Variants in MASP2 observed in about 807,000 individuals in gnomAD.
MASP2 encodes MBL associated serine protease 2, also known as mannan-binding lectin serine protease 2.
MASP2 carries 49 observed loss-of-function variants against 57.1 expected under a neutral mutation model. The ratio of observed to expected loss-of-function variants is 0.86; its 90% CI spans 0.68 to 1.09. The LOEUF (loss-of-function observed/expected upper bound fraction) is 1.09. MASP2 is among the 50% of genes least tolerant of loss of function. MASP2 has a pLI of 0.00. For synonymous variants in MASP2, 379 were observed against 340.8 expected (o/e 1.11, Z -1.24); for missense variants, 900 against 874.8 (o/e 1.03, Z -0.36).
At chr1:11,028,380 A>G (rs1044696340) in intron 10 of MASP2, among the ~76,000 whole-genome samples, 3 of 152,240 alleles carry the variant, frequency 2.0e-5, no homozygotes, top group African/African-American at 7.2e-5. Flanking sequence ...AGCAGGAACT[A>G]AAGTCAGTAT....
chr1:11,046,598 C>T lies in MASP2; in HGVS notation c.370G>A (p.Glu124Lys), dbSNP rs192007831. ...GCCTCGAACCCCGTGAACGGCTTCT[C>T]GTTGGAGTAGTCGGAGCGGAAGGTA... ...DITFRSDYSN[E>K]KPFTGFEAFY... The change falls in exon 3 of 11, where the codon GAG becomes AAG. Residue 124 changes from glutamate (E) to lysine (K), a missense_variant. By Grantham distance (56) the Glu-to-Lys change is moderately conservative. Coordinates refer to ENST00000400897, the MANE Select transcript of MASP2 (RefSeq NM_006610.4). 507 of 1,613,824 alleles carry T rather than the reference C, an allele frequency of 3.1e-4. 5 individuals carry two copies. In the Admixed American group the frequency reaches 8.1e-3, roughly 26 times the overall value.
At position 11,046,909 on chromosome 1, in the gene MASP2, G is replaced by T; in HGVS notation, c.216C>A (p.Cys72Ter). 2.5e-6 allele frequency: 4 copies of T among 1,569,756 alleles called. No individual in the cohort carries two copies. The highest frequency in any genetic ancestry group is 8.6e-7 in the Non-Finnish European group (1 of 1,157,134). Residue 72 changes from cysteine to a stop codon, truncating the protein, a stop_gained, in exon 2 of 11, where the codon TGC (cysteine) becomes TGA (stop). Transcript: ENST00000400897. LOFTEE classifies it high-confidence loss of function. ...THFDLELSHLCEYDFVKLSSG... is the reference protein window; with the variant it reads ...THFDLELSHL Reference sequence around the variant, plus strand: ...ACGGCACCTTGACGAAGTCGTACTCGCAGAGGTGGGAGAGCTCCAGGTCGA... The same window carrying T: ...ACGGCACCTTGACGAAGTCGTACTCTCAGAGGTGGGAGAGCTCCAGGTCGA...
intron 2 of MASP2, 70 bp from the exon 3 acceptor site, chr1:11,046,803 C>T (rs2100909137): frequency 1.3e-6 from 2 of 1,557,668 alleles, no homozygotes; most frequent in Non-Finnish European, 1.7e-6. Flanking sequence ...CCAAGCCTGG[C>T]CCCTGCTCCC....
rs376909147 is a variant in MASP2, at chr1:11,027,616, G to A, written c.1330C>T (p.Arg444Cys). The A allele has an allele frequency of 2.2e-5, 35 of 1,613,532 alleles. No individual in the cohort carries two copies. The East Asian group carries it at 2.2e-4, about 10-fold the overall frequency. Residue 444 changes from arginine to cysteine, a missense_variant, in exon 11 of 11, where the codon CGT becomes TGT. Transcript: ENST00000400897. Reference protein sequence around the residue: ...CGLSARTTGGRIYGGQKAKPG... With the variant: ...CGLSARTTGGCIYGGQKAKPG... ...TTTGCCTTTTGCCCTCCATATATAC[G>A]CCCTCCTGTTGTGCGGGCTGATAGT... is the stretch of plus-strand genomic sequence containing the variant.
At chr1:11,030,411 A>G in intron 9 of MASP2, 161 bp from the exon 10 acceptor site, 2 of 606,478 alleles carry the variant, frequency 3.3e-6, no homozygotes, top group South Asian at 4.0e-5. Flanking sequence ...AGGTCTCTGC[A>G]TTACCATGTT....
At position 11,045,383 on chromosome 1, in the gene MASP2, T is replaced by C. The variant is rs377345521; in HGVS notation, c.544+25A>G. On this transcript the variant is annotated intron_variant, in intron 4 of 10. Coordinates refer to ENST00000400897, the MANE Select transcript of MASP2 (RefSeq NM_006610.4). ...CCCGGGTATCCCAGGAGAGGGTGCG[T>C]TGGGGCCCAGGCAGCCTCCCTCACC... 121 of 1,612,306 alleles carry C rather than the reference T, an allele frequency of 7.5e-5. No homozygotes were observed. The African/African-American group carries it at 9.6e-4, about 13-fold the overall frequency.
At chr1:11,045,033 G>A (rs1638583906) in intron 4 of MASP2, 2 of 1,396,844 alleles carry the variant, frequency 1.4e-6, no homozygotes, top group African/African-American at 1.4e-5. Flanking sequence ...AGCGCCAGCA[G>A]GTGGGGCTGC....
chr1:11,032,008 A>G (rs943868654), intron 8 of MASP2, among the ~76,000 whole-genome samples: 1 of 152,176 alleles, frequency 6.6e-6, no homozygotes, highest in Non-Finnish European at 1.5e-5. Flanking sequence ...CACGGCTCAC[A>G]CGTGTAATCC....
At chr1:11,035,195 A>C (rs977567885) in intron 7 of MASP2, among the ~76,000 whole-genome samples, 1 of 152,026 alleles carries the variant, frequency 6.6e-6, no homozygotes, top group African/African-American at 2.4e-5. Context: ...AGCAATTTAT[A>C]ATTTTTTTTT....
intron 8 of MASP2, among the ~76,000 whole-genome samples, chr1:11,031,398 G>A (rs1351201638): frequency 1.3e-5 from 2 of 151,438 alleles, no homozygotes; most frequent in Non-Finnish European, 2.9e-5. Context: ...GCGTGGTAGC[G>A]GGCGCCTGTA....
Position 11,027,013 on chromosome 1 carries a change from CTG to C in MASP2, c.1931_1932del (p.Thr644ArgfsTer30). On this transcript the variant is annotated frameshift_variant, in exon 11 of 11. Transcript: ENST00000400897. LOFTEE classifies it high-confidence loss of function. ...ACTATTCCTCCCACAAACCACCTCTCTGTTTCACTATCTAGAAACACCAGTGC... is the reference window on the plus strand; with the variant it reads ...ACTATTCCTCCCACAAACCACCTCTCTTTCACTATCTAGAAACACCAGTGC... ...GGALVFLDSE[T>X]ERWFVGGIVS... 1.3e-6 allele frequency: 2 copies of C among 1,599,504 alleles called. No individual in the cohort carries two copies. The highest frequency in any genetic ancestry group is 1.7e-6 in the Non-Finnish European group (2 of 1,173,198).
intron 6 of MASP2, among the ~76,000 whole-genome samples, chr1:11,039,425 G>T (rs1441422395): frequency 6.6e-6 from 1 of 152,014 alleles, no homozygotes; most frequent in African/African-American, 2.4e-5. Context: ...TGGGTGTATG[G>T]ATAGATGGCT....
chr1:11,043,983 C>G (rs1165308643), intron 4 of MASP2, among the ~76,000 whole-genome samples: 1 of 152,084 alleles, frequency 6.6e-6, no homozygotes, highest in Non-Finnish European at 1.5e-5. Flanking sequence ...CCTGGGAATT[C>G]GGGAAAAGAG....
chr1:11,030,128 T>G, intron 10 of MASP2, 48 bp downstream of exon 10: 1 of 1,387,694 alleles, frequency 7.2e-7, no homozygotes, highest in Non-Finnish European at 1.0e-6. Context: ...TCCTACCCAG[T>G]CCTCCTTTCC....
chr1:11,030,696 G>A (rs1233809123), intron 9 of MASP2, 52 bp downstream of exon 9: 1 of 1,534,174 alleles, frequency 6.5e-7, no homozygotes, highest in African/African-American at 1.4e-5. Context: ...TCAGACCATG[G>A]GGGCTCAAGT....
At chr1:11,034,300 T>G (rs565465825) in intron 8 of MASP2, among the ~76,000 whole-genome samples, 1 of 150,288 alleles carries the variant, frequency 6.7e-6, no homozygotes, top group Non-Finnish European at 1.5e-5. Context: ...GCACATACCT[T>G]CCCTAGTAGG....
At chr1:11,035,516 G>T (rs1383753419) in intron 7 of MASP2, among the ~76,000 whole-genome samples, 2 of 140,664 alleles carry the variant, frequency 1.4e-5, no homozygotes, top group Non-Finnish European at 1.5e-5. Flanking sequence ...GATAGAGTGA[G>T]ACCCTGTCTC....
In MASP2 at chr1:11,028,217, C is replaced by CA. The variant is rs1553160445; in HGVS notation, c.1298-570dup. ...GCCTGGTAAGAGCAAAACTCCATCT[C>CA]AAAAAAAAAAGGAGATTAGGAAAAT... On this transcript the variant is annotated intron_variant, in intron 10 of 10. Transcript: ENST00000400897. 8.8e-4 allele frequency among the ~76,000 whole-genome samples: 128 copies of CA among 145,174 alleles called. 1 individual carries two copies. The highest frequency in any genetic ancestry group is 2.6e-3 in the Admixed American group (38 of 14,518).
At chr1:11,032,663 C>A (rs1031983209) in intron 8 of MASP2, among the ~76,000 whole-genome samples, 1 of 148,870 alleles carries the variant, frequency 6.7e-6, no homozygotes, top group Non-Finnish European at 1.5e-5. Context: ...AATCCCAACA[C>A]TTTGGGAGGC....
Sources: gnomAD v4.1 joint callset for allele counts (sites outside exome capture counted in the v4.1 genomes callset) on GRCh38, gnomAD v4.1.1 for gene constraint, MANE v1.5 for transcripts, NCBI Gene and HGNC (gene_info 2026-07-23, HGNC 2026-07-21) for gene names.